Variants in HR observed in about 807,000 individuals in gnomAD.
HR encodes HR lysine demethylase and nuclear receptor corepressor.
HR carries 83 observed loss-of-function variants against 128.6 expected under a neutral mutation model. That is an observed-to-expected ratio of 0.65 (90% confidence interval 0.54 to 0.77). The LOEUF (loss-of-function observed/expected upper bound fraction) is 0.77, where lower values mean the gene tolerates loss of function less well. Ranked by LOEUF, HR falls within the 30% of genes least tolerant of loss-of-function variation. The probability of loss-of-function intolerance (pLI) is 0.00; values close to 1 mark genes in which losing one functional copy is unlikely to be tolerated. For synonymous variants in HR, 681 were observed against 658.2 expected (o/e 1.03, Z -0.53); for missense variants, 1,490 against 1,574.6 (o/e 0.95, Z 0.91).
Position 22,122,601 on chromosome 8 carries a change from T to C in HR, c.2013A>G (p.Ala671=). Residue 671 remains alanine (A), a synonymous_variant, in exon 8 of 19, where the codon GCA becomes GCG. Transcript: ENST00000381418. ...LTQFVSSQAL[A]ELSTAMHQVW... is the part of the protein sequence containing the mutation. ...CCTGGTGCATTGCAGTGCTCAGCTCTGCCAAAGCTGGGGGTGGGGGTGGGC... is the reference window on the plus strand; with the variant it reads ...CCTGGTGCATTGCAGTGCTCAGCTCCGCCAAAGCTGGGGGTGGGGGTGGGC... 1 of 1,607,228 alleles carries C rather than the reference T, an allele frequency of 6.2e-7. No homozygotes were observed. Among genetic ancestry groups the C allele is most frequent in the Non-Finnish European group, 8.5e-7 (1 of 1,176,492 alleles).
Position 22,127,369 on chromosome 8 carries a change from G to A in HR, c.1073C>T (p.Pro358Leu), listed in dbSNP as rs1826923831. The A allele has an allele frequency of 6.2e-7, 1 of 1,613,226 alleles. No individual in the cohort carries two copies. ...AGAGGCCTTGTTCACTTCCTCGCTG[G>A]GTTCGCTGGCTCCACTGGCACCCCC... ...LEGGASGASEPSEEVNKASGP... is the reference protein window; with the variant it reads ...LEGGASGASELSEEVNKASGP... The change falls in exon 3 of 19, where the codon CCC (proline) becomes CTC (leucine). Residue 358 changes from proline to leucine, a missense_variant. Physicochemically the swap from Pro to Leu is moderately conservative, Grantham distance 98. Coordinates refer to ENST00000381418, the MANE Select transcript of HR (RefSeq NM_005144.5).
intron 3 of HR, among the ~76,000 whole-genome samples, chr8:22,126,652 C>T (rs1401395628): frequency 6.6e-6 from 1 of 152,220 alleles, no homozygotes; most frequent in African/African-American, 2.4e-5. Context: ...AGCAGTCTTC[C>T]TGAGGTAGGT....
Position 22,127,109 on chromosome 8 carries a change from C to G in HR, c.1333G>C (p.Gly445Arg). The G allele has an allele frequency of 6.2e-7, 1 of 1,611,044 alleles. No individual in the cohort carries two copies. Among genetic ancestry groups the G allele is most frequent in the Non-Finnish European group, 8.5e-7 (1 of 1,178,696 alleles). ...FPGTAEQGAG[G>R]WQEVRDTSIG... ...GATGTGTCCCGCACCTCCTGCCAAC[C>G]CCCAGCCCCCTGTTCTGCAGTGCCT... The change falls in exon 3 of 19, where the codon GGT (glycine) becomes CGT (arginine). Residue 445 changes from glycine (G) to arginine (R), a missense_variant. Coordinates refer to ENST00000381418, the MANE Select transcript of HR (RefSeq NM_005144.5).
intron 5 of HR, 130 bp from the exon 6 acceptor site, chr8:22,123,943 G>A (rs751115759): frequency 4.5e-6 from 5 of 1,099,634 alleles, no homozygotes; most frequent in South Asian, 4.0e-5. Flanking sequence ...GCCCCCCCAG[G>A]GAAGGGAGAC....
At chr8:22,129,399 G>A (rs780482534) in intron 1 of HR, among the ~76,000 whole-genome samples, 189 bp from the exon 2 acceptor site, 2 of 152,250 alleles carry the variant, frequency 1.3e-5, no homozygotes, top group Non-Finnish European at 1.5e-5. Flanking sequence ...CTCCAGTGTG[G>A]GGATGTTACC....
intron 1 of HR, among the ~76,000 whole-genome samples, chr8:22,129,921 C>T (rs1203908286): frequency 6.6e-6 from 1 of 152,208 alleles, no homozygotes; most frequent in African/African-American, 2.4e-5. Context: ...CCGCCCTGGC[C>T]CCCAGCGGGA....
intron 6 of HR, 32 bp downstream of exon 6, chr8:22,123,617 T>TGGGGCG: frequency 1.0e-5 from 3 of 292,092 alleles, no homozygotes; most frequent in African/African-American, 2.8e-5. Flanking sequence ...GAGGGCTCCA[T>TGGGGCG]CCCGCCCTCC....
Position 22,128,616 on chromosome 8 carries a change from G to A in HR, c.555C>T (p.Pro185=). The A allele has an allele frequency of 6.2e-7, 1 of 1,605,664 alleles. No homozygotes were observed. The highest frequency in any genetic ancestry group is 8.5e-7 in the Non-Finnish European group (1 of 1,176,980). ...HPCDWPLTPH[P]WVYSGGQPKV... ...TGGGCTGGCCCCCGGAGTATACCCA[G>A]GGGTGCGGGGTCAGGGGCCAGTCAC... Residue 185 remains proline, a synonymous_variant, in exon 2 of 19, where the codon CCC becomes CCT. Transcript: ENST00000381418.
rs1236489619 is a variant in HR, at chr8:22,127,555, C to T, written c.887G>A (p.Gly296Glu). ...LVHTLGNVWA[G>E]PGDGNLGYQL... ...GTACCCAAGGTTCCCATCGCCTGGC[C>T]CAGCCCAGACGTTGCCAAGAGTATG... The change falls in exon 3 of 19, where the codon GGG (glycine) becomes GAG (glutamate). Residue 296 changes from glycine to glutamate, a missense_variant. Around this residue, in one of 3 missense-constraint regions of HR, gnomAD observed 1,060 missense variants for 1,060.9 expected, o/e 1.00. Transcript: ENST00000381418. The T allele has an allele frequency of 1.2e-6, 2 of 1,612,900 alleles. No homozygotes were observed. The highest frequency in any genetic ancestry group is 8.5e-7 in the Non-Finnish European group (1 of 1,179,996).
Position 22,127,601 on chromosome 8 carries a change from C to G in HR, c.841G>C (p.Ala281Pro). 6.2e-7 allele frequency: 1 copy of G among 1,611,586 alleles called. No individual in the cohort carries two copies. Among genetic ancestry groups the G allele is most frequent in the South Asian group, 1.1e-5 (1 of 91,062 alleles). The change falls in exon 3 of 19, where the codon GCT becomes CCT. Residue 281 changes from alanine (A) to proline (P), a missense_variant. Coordinates refer to ENST00000381418, the MANE Select transcript of HR (RefSeq NM_005144.5). ...PDTVPWTSWP[A>P]CPPGLVHTLG... ...GTATGAACAAGGCCTGGGGGACAAG[C>G]GGGCCAGGAGGTCCAGGGCACAGTG...
chr8:22,128,426 C>G (rs1238126519), intron 2 of HR, 133 bp downstream of exon 2: 5 of 1,285,640 alleles, frequency 3.9e-6, no homozygotes, highest in Non-Finnish European at 5.5e-6. Context: ...GGGCCTGGGA[C>G]AGCTCCAAGC....
chr8:22,125,887 A>G (rs1356352397), intron 3 of HR, among the ~76,000 whole-genome samples, 155 bp from the exon 4 acceptor site: 1 of 152,124 alleles, frequency 6.6e-6, no homozygotes, highest in Non-Finnish European at 1.5e-5. Flanking sequence ...AGAGTGGACC[A>G]GGCAGCTGGA....
At position 22,125,363 on chromosome 8, in the gene HR, C is replaced by T. The variant is rs1270378754; in HGVS notation, c.1698G>A (p.Leu566=). 1 of 1,606,422 alleles carries T rather than the reference C, an allele frequency of 6.2e-7. No homozygotes were observed. The highest frequency in any genetic ancestry group is 2.2e-5 in the East Asian group (1 of 44,658). The change falls in exon 5 of 19, where the codon CTG becomes CTA. Residue 566 remains leucine, a synonymous_variant. Coordinates refer to ENST00000381418, the MANE Select transcript of HR (RefSeq NM_005144.5). The part of the protein sequence containing the change: ...KHLLSGLGDR[L]CRLLRREREA... ...CCCGCTCCCTCCGCAGCAGGCGGCA[C>T]AGTCGGTCCCCCAAACCACTGAGCA...
chr8:22,121,506 G>T, intron 9 of HR, 107 bp downstream of exon 9: 1 of 1,173,894 alleles, frequency 8.5e-7, no homozygotes, highest in Non-Finnish European at 1.3e-6. Context: ...TGGGGGTGGG[G>T]GGGAGTTGCT....
Position 22,115,672 on chromosome 8 carries a change from A to AC in HR, c.*27dup, listed in dbSNP as rs769407394. On this transcript the variant is annotated 3_prime_UTR_variant, in exon 19 of 19. Transcript: ENST00000381418. ...CTGAGCACCTGGTCTACCTGTCCCCACCCCGATCCCAGACACCTAGCATCC... is the reference window on the plus strand; with the variant it reads ...CTGAGCACCTGGTCTACCTGTCCCCACCCCCGATCCCAGACACCTAGCATCC... 1 of 1,609,346 alleles carries AC rather than the reference A, an allele frequency of 6.2e-7. No homozygotes were observed. Among genetic ancestry groups the AC allele is most frequent in the Admixed American group, 1.7e-5 (1 of 59,914 alleles).
intron 2 of HR, 30 bp downstream of exon 2, chr8:22,128,529 C>T (rs956817283): frequency 1.2e-6 from 2 of 1,611,454 alleles, no homozygotes; most frequent in Non-Finnish European, 1.7e-6. Flanking sequence ...AGGCCAGAGC[C>T]ACAGGTACCC....
At chr8:22,125,223 G>A in intron 5 of HR, 88 bp downstream of exon 5, 1 of 1,386,924 alleles carries the variant, frequency 7.2e-7, no homozygotes, top group South Asian at 1.3e-5. Context: ...CTTAGGTCTA[G>A]GAGCTGGCAG....
Position 22,120,710 on chromosome 8 carries a change from C to T in HR, c.2610+6G>A. The T allele has an allele frequency of 6.7e-7, 1 of 1,499,496 alleles. No individual in the cohort carries two copies. Among genetic ancestry groups the T allele is most frequent in the East Asian group, 2.5e-5 (1 of 40,488 alleles). The allele number at this position is 1,499,496 out of a possible 1,614,324, so 92.9% of individuals were successfully genotyped here. ...GGGCCGGGAGGGGAGGGGAGGGGTG[C>T]CTCACCTGGCCCTGCCTCCAGTGCT... On this transcript the variant is annotated splice_donor_region_variant and intron_variant, in intron 11 of 18. Transcript: ENST00000381418.
Position 22,120,122 on chromosome 8 carries a change from C to G in HR, c.2828G>C (p.Gly943Ala). Reference protein sequence around the residue: ...GSVLLLHRALGDEDTSRVENL... With the variant: ...GSVLLLHRALADEDTSRVENL... ...TACACACCTGCTGGTGTCCTCATCC[C>G]CCAAAGCTCGGTGCAGCAGGAGGAC... is the stretch of plus-strand genomic sequence containing the variant. The change falls in exon 13 of 19, where the codon GGG (glycine) becomes GCG (alanine). Residue 943 changes from glycine to alanine, a missense_variant. By Grantham distance (60) the Gly-to-Ala change is moderately conservative. Around this residue, in one of 3 missense-constraint regions of HR, gnomAD observed 423 missense variants for 495.9 expected, o/e 0.85. Transcript: ENST00000381418. The G allele has an allele frequency of 6.3e-7, 1 of 1,590,808 alleles. No homozygotes were observed. The highest frequency in any genetic ancestry group is 2.3e-5 in the East Asian group (1 of 44,090).
Sources: gnomAD v4.1 joint callset for allele counts (sites outside exome capture counted in the v4.1 genomes callset) on GRCh38, gnomAD v4.1.1 for gene constraint, gnomAD v4.1.1 regional missense constraint, MANE v1.5 for transcripts, NCBI Gene and HGNC (gene_info 2026-07-23, HGNC 2026-07-21) for gene names.